The following MYOZ2 variants were observed in gnomAD, a reference collection of about 807,000 sequenced individuals.
The protein encoded by MYOZ2 is myozenin-2.
Under a neutral mutation model 25.4 loss-of-function variants are expected in MYOZ2, and 19 were observed. The observed-to-expected ratio is 0.75, with a 90% CI of 0.52 to 1.10. The LOEUF (loss-of-function observed/expected upper bound fraction) is 1.10, where lower values mean the gene tolerates loss of function less well. Among genes scored for constraint, MYOZ2 ranks in the 50% least tolerant of loss-of-function variants. MYOZ2 has a pLI of 0.00. For missense variants in MYOZ2, 270 were observed against 317.9 expected, an observed-to-expected ratio of 0.85 and a Z score of 1.15; for synonymous variants, 92 against 106.9, an observed-to-expected ratio of 0.86 and a Z score of 0.86.
intron 5 of MYOZ2, among the ~76,000 whole-genome samples, chr4:119,176,719 A>T (rs937478291): frequency 6.6e-6 from 1 of 152,242 alleles, no homozygotes; most frequent in Non-Finnish European, 1.5e-5. Context: ...AAAGAACTTT[A>T]AGAACTTACA....
chr4:119,158,568 C>A (rs1741638140), intron 4 of MYOZ2, among the ~76,000 whole-genome samples: 1 of 151,976 alleles, frequency 6.6e-6, no homozygotes, highest in African/African-American at 2.4e-5. Flanking sequence ...AAAAAAGTTT[C>A]TTTTTTGGAT....
intron 2 of MYOZ2, among the ~76,000 whole-genome samples, chr4:119,140,777 A>G (rs935713456): frequency 2.0e-5 from 3 of 152,220 alleles, no homozygotes; most frequent in African/African-American, 4.8e-5. Flanking sequence ...ATAATTCAAT[A>G]CATTGGTAAT....
At chr4:119,152,732 A>G (rs1266688621) in intron 3 of MYOZ2, among the ~76,000 whole-genome samples, 1 of 152,184 alleles carries the variant, frequency 6.6e-6, no homozygotes, top group Non-Finnish European at 1.5e-5. Context: ...AAATAATTAA[A>G]TATTGATAAA....
At chr4:119,145,506 CTG>C (rs200111377) in intron 2 of MYOZ2, among the ~76,000 whole-genome samples, 1,614 of 128,188 alleles carry the variant, frequency 0.013, 33 homozygotes, top group African/African-American at 0.034. Context: ...CCAGCTAAAA[CTG>C]TGTGTGTGTG....
At chr4:119,145,517 TGTGTG>T (rs1741270401) in intron 2 of MYOZ2, among the ~76,000 whole-genome samples, 1 of 125,968 alleles carries the variant, frequency 7.9e-6, no homozygotes, top group Non-Finnish European at 1.7e-5. Flanking sequence ...TGTGTGTGTG[TGTGTG>T]TGTGTGTGTG....
intron 5 of MYOZ2, among the ~76,000 whole-genome samples, chr4:119,180,882 A>G (rs113224828): frequency 1.3e-5 from 2 of 152,280 alleles, no homozygotes; most frequent in African/African-American, 2.4e-5. Flanking sequence ...AAGTGGCTTT[A>G]TTCTTATTGC....
chr4:119,183,107 T>C (rs1413757520), intron 5 of MYOZ2, among the ~76,000 whole-genome samples: 1 of 152,210 alleles, frequency 6.6e-6, no homozygotes, highest in African/African-American at 2.4e-5. Context: ...CTATATAGTC[T>C]TGCCAGGTCC....
chr4:119,150,103 T>C (rs1448635077), intron 2 of MYOZ2, among the ~76,000 whole-genome samples: 2 of 152,184 alleles, frequency 1.3e-5, no homozygotes, highest in East Asian at 3.8e-4. Flanking sequence ...TTTTGGATTT[T>C]GGAAAAACTG....
chr4:119,165,770 C>A (rs774796637), intron 5 of MYOZ2, among the ~76,000 whole-genome samples: 10 of 151,892 alleles, frequency 6.6e-5, no homozygotes, highest in Non-Finnish European at 1.2e-4. Context: ...TGGAATAACT[C>A]GGATTTGTTT....
chr4:119,138,882 C>A (rs1441723192), intron 2 of MYOZ2, among the ~76,000 whole-genome samples: 1 of 152,046 alleles, frequency 6.6e-6, no homozygotes, highest in Non-Finnish European at 1.5e-5. Flanking sequence ...AAAGAGATTG[C>A]AGCCGGTGAG....
chr4:119,164,616 A>G (rs964532325), intron 5 of MYOZ2, among the ~76,000 whole-genome samples: 1 of 152,226 alleles, frequency 6.6e-6, no homozygotes, highest in African/African-American at 2.4e-5. Flanking sequence ...GAAGGAAATG[A>G]TTCAGAAACT....
chr4:119,168,351 T>C (rs1259037700), intron 5 of MYOZ2, among the ~76,000 whole-genome samples: 1 of 152,232 alleles, frequency 6.6e-6, no homozygotes, highest in African/African-American at 2.4e-5. Flanking sequence ...TCAAGCCTTA[T>C]TATTTAAGCA....
chr4:119,173,796 G>T (rs533736930), intron 5 of MYOZ2, among the ~76,000 whole-genome samples: 1 of 152,208 alleles, frequency 6.6e-6, no homozygotes, highest in South Asian at 2.1e-4. Flanking sequence ...GGAGAGGCCC[G>T]AGCGGGAACC....
chr4:119,175,726 T>G (rs1227457960), intron 5 of MYOZ2, among the ~76,000 whole-genome samples: 4 of 150,836 alleles, frequency 2.7e-5, no homozygotes, highest in Non-Finnish European at 5.9e-5. Flanking sequence ...CACTCCAGCC[T>G]GGGTGACAGC....
chr4:119,168,146 G>T (rs1411701166), intron 5 of MYOZ2, among the ~76,000 whole-genome samples: 1 of 152,050 alleles, frequency 6.6e-6, no homozygotes. Flanking sequence ...CTAATTTTTT[G>T]TATTTTTAGT....
At chr4:119,164,453 G>T in intron 5 of MYOZ2, 59 bp downstream of exon 5, 1 of 1,561,372 alleles carries the variant, frequency 6.4e-7, no homozygotes, top group South Asian at 1.1e-5. Flanking sequence ...TTTTCATCAT[G>T]GTACAGATAA....
intron 2 of MYOZ2, among the ~76,000 whole-genome samples, chr4:119,143,626 C>T (rs947070083): frequency 2.6e-5 from 4 of 152,176 alleles, no homozygotes; most frequent in Admixed American, 6.5e-5. Flanking sequence ...AATGCAGTGT[C>T]GTATATCTGC....
At chr4:119,148,365 G>T (rs1490055854) in intron 2 of MYOZ2, among the ~76,000 whole-genome samples, 1 of 151,996 alleles carries the variant, frequency 6.6e-6, no homozygotes, top group African/African-American at 2.4e-5. Flanking sequence ...TTAGCTTCTC[G>T]AATCTGTAAG....
intron 5 of MYOZ2, among the ~76,000 whole-genome samples, chr4:119,170,285 T>G (rs1233397585): frequency 4.4e-5 from 3 of 67,718 alleles, no homozygotes; most frequent in South Asian, 4.0e-4. Context: ...TATTTGTTGT[T>G]TTTTTTTTTT....
Sources: gnomAD v4.1 joint callset for allele counts (sites outside exome capture counted in the v4.1 genomes callset) on GRCh38, gnomAD v4.1.1 for gene constraint, MANE v1.5 for transcripts, NCBI Gene and HGNC (gene_info 2026-07-23, HGNC 2026-07-21) for gene names.